Variants in LARS1 observed in about 807,000 individuals in gnomAD.
LARS1 encodes the protein leucyl-tRNA synthetase 1.
A neutral mutation model predicts 162.8 loss-of-function variants in LARS1; 100 were observed. The ratio of observed to expected loss-of-function variants is 0.61; its 90% CI spans 0.52 to 0.73. The LOEUF (loss-of-function observed/expected upper bound fraction) is 0.73. Ranked by LOEUF, LARS1 falls within the 30% of genes least tolerant of loss-of-function variation. The probability of loss-of-function intolerance (pLI) is 0.00; values close to 1 mark genes in which losing one functional copy is unlikely to be tolerated. For missense variants in LARS1, 1,258 were observed against 1,408.9 expected, an observed-to-expected ratio of 0.89 and a Z score of 1.71; for synonymous variants, 457 against 462.8, an observed-to-expected ratio of 0.99 and a Z score of 0.16.
At position 146,168,012 on chromosome 5, in the gene LARS1, T is replaced by C. The variant is rs1266009627; in HGVS notation, c.432+116A>G. 4.8e-5 allele frequency: 44 copies of C among 914,872 alleles called. No homozygotes were observed. The Admixed American group carries it at 1.3e-3, about 27-fold the overall frequency. The allele number at this position is 914,872 out of a possible 1,614,324, so 56.7% of individuals were successfully genotyped here. On this transcript the variant is annotated intron_variant, in intron 5 of 31. Transcript: ENST00000394434. ...AAGATAATTTTTTGCTTTGATACTT[T>C]AAAAAAATGATCTAGTACATTTTAT...
chr5:146,135,361 A>C (rs1752459061), intron 22 of LARS1, among the ~76,000 whole-genome samples: 1 of 152,064 alleles, frequency 6.6e-6, no homozygotes, highest in African/African-American at 2.4e-5. Flanking sequence ...CTTAGCAATG[A>C]TATTGAGTTC....
At chr5:146,170,646 T>G (rs1754223272) in intron 4 of LARS1, among the ~76,000 whole-genome samples, 1 of 152,122 alleles carries the variant, frequency 6.6e-6, no homozygotes, top group African/African-American at 2.4e-5. Flanking sequence ...CTGAAGTATT[T>G]AGCAATGACA....
chr5:146,136,824 A>ATC (rs746268359), intron 21 of LARS1, among the ~76,000 whole-genome samples: 13 of 152,184 alleles, frequency 8.5e-5, no homozygotes, highest in Non-Finnish European at 1.8e-4. Context: ...TTTCAATATT[A>ATC]GGGCACAGGC....
chr5:146,129,981 C>G, intron 25 of LARS1, 37 bp downstream of exon 25: 8 of 1,578,746 alleles, frequency 5.1e-6, no homozygotes, highest in Non-Finnish European at 6.0e-6. Flanking sequence ...AAGCCAAAAT[C>G]AAAACCACTC....
chr5:146,154,815 A>C (rs1171395491), intron 10 of LARS1, among the ~76,000 whole-genome samples: 1 of 152,156 alleles, frequency 6.6e-6, no homozygotes, highest in Non-Finnish European at 1.5e-5. Context: ...AATACATATG[A>C]AGTAAAACAA....
chr5:146,171,790 A>C, intron 4 of LARS1, 120 bp downstream of exon 4: 1 of 656,440 alleles, frequency 1.5e-6, no homozygotes. Flanking sequence ...ACTATAATAA[A>C]TTCAACTCAT....
intron 31 of LARS1, 173 bp downstream of exon 31, chr5:146,120,198 C>T (rs921677555): frequency 4.5e-6 from 3 of 666,626 alleles, no homozygotes; most frequent in Non-Finnish European, 7.5e-6. Context: ...CACTAAGCTA[C>T]CTAGCCACAG....
Position 146,157,709 on chromosome 5 carries a change from A to T in LARS1, c.839+19T>A, listed in dbSNP as rs191302398. ...CTGATGGTTCAGAAATGATAAAGCA[A>T]TTACTCTGGCAAACCTACCTTAATT... On this transcript the variant is annotated intron_variant, in intron 9 of 31. Transcript: ENST00000394434. 256 of 1,613,918 alleles carry T rather than the reference A, an allele frequency of 1.6e-4. 2 individuals carry two copies. In the East Asian group the frequency reaches 5.3e-3, roughly 33 times the overall value.
In LARS1 at chr5:146,159,463, T is replaced by C. The variant is rs374594055; in HGVS notation, c.715A>G (p.Ile239Val). Residue 239 changes from isoleucine (I) to valine (V), a missense_variant, in exon 8 of 32, where the codon ATT becomes GTT. Coordinates refer to ENST00000394434, the MANE Select transcript of LARS1 (RefSeq NM_020117.11). ...GGCTGTCCATCTTTCGGAGAGTAAA[T>C]TGTATACCTAAAAAATAAACAAAAA... Reference protein sequence around the residue: ...NKIKFGKRYTIYSPKDGQPCM... With the variant: ...NKIKFGKRYTVYSPKDGQPCM... 17 of 1,608,310 alleles carry C rather than the reference T, an allele frequency of 1.1e-5. No individual in the cohort carries two copies. The highest frequency in any genetic ancestry group is 1.6e-4 in the Middle Eastern group (1 of 6,074).
At chr5:146,152,089 A>G in intron 13 of LARS1, 87 bp from the exon 14 acceptor site, 2 of 1,391,332 alleles carry the variant, frequency 1.4e-6, no homozygotes, top group Middle Eastern at 1.8e-4. Context: ...CTAATGTCCA[A>G]TTAAGTCATT....
rs534858175 is a variant in LARS1 at position 146,177,047 on chromosome 5, A to G, written c.125+500T>C. 4.9e-3 allele frequency among the ~76,000 whole-genome samples: 743 copies of G among 152,304 alleles called. 4 individuals carry two copies. Among genetic ancestry groups the G allele is most frequent in the Middle Eastern group, 0.01 (3 of 294 alleles). On this transcript the variant is annotated intron_variant, in intron 2 of 31. Transcript: ENST00000394434. ...ATCTTTACAAACCCCATAAGAAAAA[A>G]GATCCTAATTCATATGCAGAAAGTG... is the stretch of plus-strand genomic sequence containing the variant.
chr5:146,142,813 C>T (rs1752843073), intron 20 of LARS1, 59 bp downstream of exon 20: 1 of 1,267,354 alleles, frequency 7.9e-7, no homozygotes, highest in South Asian at 1.4e-5. Flanking sequence ...ATATTTGAAG[C>T]CACAAGACAC....
chr5:146,132,454 G>A (rs924551092), intron 23 of LARS1: 1 of 154,462 alleles, frequency 6.5e-6, no homozygotes, highest in Admixed American at 6.5e-5. Context: ...TGCGTAGGAT[G>A]ACTCCAAAGA....
chr5:146,118,820 G>T (rs1368398088), intron 31 of LARS1, among the ~76,000 whole-genome samples: 1 of 152,188 alleles, frequency 6.6e-6, no homozygotes, highest in African/African-American at 2.4e-5. Context: ...ATGTATTCAA[G>T]CCTCCTGAAC....
At chr5:146,148,192 A>G (rs1753104587) in intron 15 of LARS1, among the ~76,000 whole-genome samples, 1 of 152,228 alleles carries the variant, frequency 6.6e-6, no homozygotes, top group South Asian at 2.1e-4. Flanking sequence ...GAAAGAATAT[A>G]AGGACATAGA....
chr5:146,157,381 A>C, intron 10 of LARS1, 22 bp downstream of exon 10: 2 of 1,597,230 alleles, frequency 1.3e-6, no homozygotes, highest in Non-Finnish European at 1.7e-6. Flanking sequence ...CATTAAAATA[A>C]AAAATCTGCT....
In LARS1 at chr5:146,159,415, T is replaced by C. The variant is rs1753677026; in HGVS notation, c.763A>G (p.Thr255Ala). ...GQPCMDHDRQ[T>A]GEGVGPQEYT... ...GTCTCACAAATAATCACCTCTCCAGTTTGTCTATCATGATCCATGCAAGGC... is the reference window on the plus strand; with the variant it reads ...GTCTCACAAATAATCACCTCTCCAGCTTGTCTATCATGATCCATGCAAGGC... Residue 255 changes from threonine to alanine, a missense_variant, in exon 8 of 32, where the codon ACT becomes GCT. Coordinates refer to ENST00000394434, the MANE Select transcript of LARS1 (RefSeq NM_020117.11). The C allele has an allele frequency of 6.2e-7, 1 of 1,610,066 alleles. No homozygotes were observed. Among genetic ancestry groups the C allele is most frequent in the South Asian group, 1.1e-5 (1 of 90,938 alleles).
chr5:146,130,215 G>A, intron 24 of LARS1, 57 bp from the exon 25 acceptor site: 4 of 1,533,404 alleles, frequency 2.6e-6, no homozygotes, highest in Admixed American at 3.8e-5. Flanking sequence ...TAAAAATAAA[G>A]GGAAAAATTG....
At chr5:146,145,292 C>T (rs995586089) in intron 15 of LARS1, among the ~76,000 whole-genome samples, 1 of 151,922 alleles carries the variant, frequency 6.6e-6, no homozygotes, top group Non-Finnish European at 1.5e-5. Context: ...ACTATGTTGC[C>T]CAGGCTGGTC....
Sources: gnomAD v4.1 joint callset for allele counts (sites outside exome capture counted in the v4.1 genomes callset) on GRCh38, gnomAD v4.1.1 for gene constraint, MANE v1.5 for transcripts, NCBI Gene and HGNC (gene_info 2026-07-23, HGNC 2026-07-21) for gene names.